The following RBM47 variants were observed in gnomAD, a reference collection of about 807,000 sequenced individuals.
RBM47 encodes the protein RNA-binding protein 47.
A neutral mutation model predicts 47.1 loss-of-function variants in RBM47; 21 were observed. The observed-to-expected ratio is 0.45, with a 90% CI of 0.32 to 0.64. The LOEUF is 0.64. Ranked by LOEUF, RBM47 falls within the 30% of genes least tolerant of loss-of-function variation. The pLI, the probability that RBM47 is intolerant of heterozygous loss-of-function variation, is 0.05. For synonymous variants in RBM47, 375 were observed against 361.7 expected, an observed-to-expected ratio of 1.04 and a Z score of -0.42; for missense variants, 708 against 870.9, an observed-to-expected ratio of 0.81 and a Z score of 2.35.
chr4:40,603,541 TCTC>T (rs1266107067), intron 1 of RBM47, among the ~76,000 whole-genome samples: 4 of 152,030 alleles, frequency 2.6e-5, no homozygotes, highest in Non-Finnish European at 5.9e-5. Context: ...CTAGGCTTCT[TCTC>T]CTCTCCTCCC....
At chr4:40,432,616 C>T (rs1577603502) in intron 6 of RBM47, 35 bp downstream of exon 6, 1 of 1,609,174 alleles carries the variant, frequency 6.2e-7, no homozygotes, top group African/African-American at 1.3e-5. Flanking sequence ...AGAGGCTTCA[C>T]ACACAAATGA....
intron 3 of RBM47, among the ~76,000 whole-genome samples, chr4:40,452,672 T>C (rs1715622552): frequency 7.1e-6 from 1 of 140,228 alleles, no homozygotes; most frequent in Non-Finnish European, 1.6e-5. Context: ...CTTTTCATAA[T>C]ACATAACACT....
chr4:40,480,149 T>G lies in RBM47; in HGVS notation c.-154-13450A>C, dbSNP rs185667174. Among the ~76,000 whole-genome samples the G allele has an allele frequency of 2.1e-3, 316 of 152,140 alleles. 1 individual carries two copies. Among genetic ancestry groups the G allele is most frequent in the Non-Finnish European group, 3.9e-3 (264 of 68,004 alleles). ...TCCGCCACCATGCCTGACTAATTTT[T>G]GTATTTTCAGTAGAAACAGGGTTTC... On this transcript the variant is annotated intron_variant, in intron 2 of 6. Transcript: ENST00000295971.
Position 40,438,741 on chromosome 4 carries a change from C to T in RBM47, c.153G>A (p.Gly51=). The change falls in exon 4 of 7, where the codon GGG becomes GGA. Residue 51 remains glycine (G), a synonymous_variant. Coordinates refer to ENST00000295971, the MANE Select transcript of RBM47 (RefSeq NM_001098634.2). ...GCGGTGGGCCGCCGTACTTGCGCTG[C>T]CCGTTCTCTTGCACCATGCTGTAGC... ...RTGYSMVQEN[G]QRKYGGPPPG... 6.2e-7 allele frequency: 1 copy of T among 1,600,686 alleles called. No individual in the cohort carries two copies. The highest frequency in any genetic ancestry group is 1.1e-5 in the South Asian group (1 of 90,222).
At chr4:40,630,061 C>T (rs1250686406), upstream of RBM47, 1 of 152,374 alleles carries the variant, frequency 6.6e-6, no homozygotes. Flanking sequence ...CCTCCCCTGG[C>T]TAAAGGCCAG....
rs138690928 is a variant in RBM47, at chr4:40,565,901, T to A, written c.-239-21395A>T. Among the ~76,000 whole-genome samples, 431 of 152,040 alleles carry A rather than the reference T, an allele frequency of 2.8e-3. 1 individual carries two copies. Among genetic ancestry groups the A allele is most frequent in the African/African-American group, 9.8e-3 (407 of 41,500 alleles). On this transcript the variant is annotated intron_variant, in intron 1 of 6. Coordinates refer to ENST00000295971, the MANE Select transcript of RBM47 (RefSeq NM_001098634.2). ...CTGGGTAACATAGGGAGACCCTGTC[T>A]CTACAAAAAATAAAAAACTAGCCCG...
intron 3 of RBM47, among the ~76,000 whole-genome samples, chr4:40,457,433 A>AAC (rs1716455732): frequency 2.6e-5 from 4 of 151,780 alleles, no homozygotes; most frequent in Middle Eastern, 6.8e-3. Flanking sequence ...AAAAAAAAAA[A>AAC]AAAAACAAAA....
intron 6 of RBM47, among the ~76,000 whole-genome samples, chr4:40,428,098 T>G (rs1341935141): frequency 6.6e-6 from 1 of 152,080 alleles, no homozygotes; most frequent in Non-Finnish European, 1.5e-5. Flanking sequence ...GAGGCTGAGG[T>G]GCAAGGATCA....
intron 2 of RBM47, among the ~76,000 whole-genome samples, chr4:40,521,987 AC>A (rs1357700158): frequency 6.6e-6 from 1 of 152,218 alleles, no homozygotes; most frequent in African/African-American, 2.4e-5. Context: ...TATGACATTA[AC>A]AAATGTGGAT....
At chr4:40,495,544 G>A (rs1722450717) in intron 2 of RBM47, among the ~76,000 whole-genome samples, 1 of 152,008 alleles carries the variant, frequency 6.6e-6, no homozygotes, top group Non-Finnish European at 1.5e-5. Flanking sequence ...AGAGGTTGCA[G>A]CGAGCCAAGA....
At chr4:40,570,099 G>A (rs558875276) in intron 1 of RBM47, among the ~76,000 whole-genome samples, 23 of 152,042 alleles carry the variant, frequency 1.5e-4, no homozygotes, top group South Asian at 1.0e-3. Context: ...CTAAAGCAGC[G>A]GTCCCCAACC....
chr4:40,559,539 T>C (rs1180269437), intron 1 of RBM47, among the ~76,000 whole-genome samples: 1 of 152,196 alleles, frequency 6.6e-6, no homozygotes, highest in Non-Finnish European at 1.5e-5. Context: ...ATAAGACTGT[T>C]AAGGAAGAAA....
chr4:40,436,366 C>T lies in RBM47; in HGVS notation c.1330+75G>A, dbSNP rs1256834089. 69 of 1,433,986 alleles carry T rather than the reference C, an allele frequency of 4.8e-5. No individual in the cohort carries two copies. In the Middle Eastern group the frequency reaches 1.1e-3, roughly 22 times the overall value. 88.8% of individuals were successfully genotyped at this position (1,433,986 alleles called of 1,614,324 possible). On this transcript the variant is annotated intron_variant, in intron 5 of 6. Coordinates refer to ENST00000295971, the MANE Select transcript of RBM47 (RefSeq NM_001098634.2). The stretch of plus-strand genomic sequence containing the variant: ...TGTGCAGATGTGAGAGCCTGAAAAA[C>T]GCTTGGATTCACTTCAAACAGAAGG...
At chr4:40,598,436 G>A (rs1337627899) in intron 1 of RBM47, among the ~76,000 whole-genome samples, 1 of 152,046 alleles carries the variant, frequency 6.6e-6, no homozygotes, top group Non-Finnish European at 1.5e-5. Flanking sequence ...TTTGTAGAGA[G>A]AGGGTTTTGC....
intron 2 of RBM47, among the ~76,000 whole-genome samples, chr4:40,493,026 G>C (rs2008613): frequency 0.036 from 5,468 of 152,212 alleles, 154 homozygotes; most frequent in East Asian, 0.17. Flanking sequence ...AAAGAAGACA[G>C]AAAGAAAACA....
intron 1 of RBM47, among the ~76,000 whole-genome samples, chr4:40,610,377 C>T (rs1198869399): frequency 6.6e-6 from 1 of 151,768 alleles, no homozygotes; most frequent in Non-Finnish European, 1.5e-5. Context: ...AATCCCAGCA[C>T]TTTGGGAGGC....
At chr4:40,492,318 G>T (rs1050025704) in intron 2 of RBM47, among the ~76,000 whole-genome samples, 3 of 152,060 alleles carry the variant, frequency 2.0e-5, no homozygotes, top group African/African-American at 7.2e-5. Context: ...TGCAGTGATT[G>T]TGCCACTGCA....
chr4:40,594,116 A>AC (rs1419757948), intron 1 of RBM47, among the ~76,000 whole-genome samples: 2 of 151,188 alleles, frequency 1.3e-5, no homozygotes, highest in African/African-American at 4.9e-5. Flanking sequence ...CTCTACCCCC[A>AC]CCCCCGCTTC....
intron 2 of RBM47, among the ~76,000 whole-genome samples, chr4:40,526,205 A>G (rs1465060389): frequency 6.6e-6 from 1 of 152,198 alleles, no homozygotes; most frequent in Non-Finnish European, 1.5e-5. Context: ...TCTGGATCCA[A>G]GGACTCGCTT....
Sources: allele counts gnomAD v4.1 joint callset (sites outside exome capture counted in the v4.1 genomes callset), GRCh38; gene constraint gnomAD v4.1.1; transcripts MANE v1.5; gene names NCBI Gene and HGNC (gene_info 2026-07-23, HGNC 2026-07-21).